SPATA16: variants seen among roughly 807,000 people sequenced by gnomAD.
The protein encoded by SPATA16 is spermatogenesis-associated protein 16.
A neutral mutation model predicts 63.3 loss-of-function variants in SPATA16; 36 were observed. The observed-to-expected ratio is 0.57, with a 90% CI of 0.44 to 0.75. The LOEUF is 0.75. SPATA16 is among the 30% of genes least tolerant of loss of function. The pLI is 0.00. For missense variants in SPATA16, 646 were observed against 679.3 expected (o/e 0.95, Z 0.54); for synonymous variants, 203 against 216.7 (o/e 0.94, Z 0.56).
chr3:172,997,109 T>C (rs1174389573), intron 4 of SPATA16, among the ~76,000 whole-genome samples: 1 of 152,172 alleles, frequency 6.6e-6, no homozygotes, highest in Non-Finnish European at 1.5e-5. Context: ...GTGCAGGTTT[T>C]TGTGTGGACA....
At chr3:173,131,727 G>A (rs750760961) in intron 1 of SPATA16, among the ~76,000 whole-genome samples, 2 of 152,176 alleles carry the variant, frequency 1.3e-5, no homozygotes, top group Non-Finnish European at 2.9e-5. Context: ...TGAAACTCTT[G>A]AGAACCAGGG....
At chr3:173,070,649 C>T (rs7632363) in intron 2 of SPATA16, among the ~76,000 whole-genome samples, 4 of 152,010 alleles carry the variant, frequency 2.6e-5, no homozygotes, top group East Asian at 1.9e-4. Context: ...TACAAAAGTC[C>T]GAAGCATTTC....
At chr3:173,003,828 C>T (rs1734881105) in intron 4 of SPATA16, among the ~76,000 whole-genome samples, 1 of 152,186 alleles carries the variant, frequency 6.6e-6, no homozygotes, top group Non-Finnish European at 1.5e-5. Flanking sequence ...ATGTGCCAGG[C>T]AGTGAGTTTA....
intron 6 of SPATA16, among the ~76,000 whole-genome samples, chr3:172,946,154 G>A (rs1208651385): frequency 6.6e-6 from 1 of 152,176 alleles, no homozygotes; most frequent in Non-Finnish European, 1.5e-5. Context: ...TCCTAGCAGG[G>A]TTCATCACTT....
At chr3:173,139,578 G>T (rs1367857308) in intron 1 of SPATA16, among the ~76,000 whole-genome samples, 1 of 152,142 alleles carries the variant, frequency 6.6e-6, no homozygotes, top group African/African-American at 2.4e-5. Flanking sequence ...AATTGTTGGG[G>T]TACCTATTCA....
intron 1 of SPATA16, among the ~76,000 whole-genome samples, chr3:173,136,197 G>A (rs1435395465): frequency 6.6e-6 from 1 of 152,208 alleles, no homozygotes; most frequent in Non-Finnish European, 1.5e-5. Context: ...ATCAGACTGT[G>A]TGTGTGGTAG....
At chr3:173,077,000 A>G (rs1736823123) in intron 2 of SPATA16, among the ~76,000 whole-genome samples, 1 of 152,128 alleles carries the variant, frequency 6.6e-6, no homozygotes, top group South Asian at 2.1e-4. Flanking sequence ...TTTGGAATTG[A>G]TCTAACATCT....
intron 3 of SPATA16, among the ~76,000 whole-genome samples, chr3:173,027,695 C>T (rs1350599689): frequency 6.6e-6 from 1 of 151,792 alleles, no homozygotes; most frequent in East Asian, 1.9e-4. Flanking sequence ...GGTAGCAGAA[C>T]TCCTCTTGGT....
chr3:172,993,202 G>GAA (rs71965210), intron 4 of SPATA16, among the ~76,000 whole-genome samples: 26,298 of 147,534 alleles, frequency 0.18, 2,478 homozygotes, highest in South Asian at 0.23. Flanking sequence ...AAATATTAGT[G>GAA]AAAAAAAAAA....
At chr3:173,046,124 T>C (rs570463875) in intron 3 of SPATA16, among the ~76,000 whole-genome samples, 20 of 152,102 alleles carry the variant, frequency 1.3e-4, no homozygotes, top group Non-Finnish European at 2.6e-4. Flanking sequence ...GGATTTTTAA[T>C]CTTGATAAGA....
intron 2 of SPATA16, among the ~76,000 whole-genome samples, chr3:173,069,768 A>T (rs1470534809): frequency 6.6e-6 from 1 of 152,226 alleles, no homozygotes. Flanking sequence ...TTAACAACAC[A>T]TTAAAAAGAT....
At chr3:172,916,726 T>G (rs1315366556) in intron 8 of SPATA16, among the ~76,000 whole-genome samples, 4 of 152,130 alleles carry the variant, frequency 2.6e-5, no homozygotes, top group African/African-American at 7.2e-5. Flanking sequence ...TGTCTTGCAT[T>G]AGGGAGCTAG....
At chr3:172,976,173 T>G (rs1216101280) in intron 5 of SPATA16, among the ~76,000 whole-genome samples, 1 of 152,132 alleles carries the variant, frequency 6.6e-6, no homozygotes. Context: ...ATGGGTTTCA[T>G]GTGGTTCATG....
At chr3:173,129,151 T>C (rs937492098) in intron 1 of SPATA16, among the ~76,000 whole-genome samples, 3 of 152,188 alleles carry the variant, frequency 2.0e-5, no homozygotes, top group African/African-American at 7.2e-5. Flanking sequence ...TCCTGGGGAA[T>C]TACAAAGATA....
intron 8 of SPATA16, among the ~76,000 whole-genome samples, chr3:172,919,290 A>G (rs1018968563): frequency 2.0e-5 from 3 of 152,228 alleles, no homozygotes; most frequent in African/African-American, 7.2e-5. Flanking sequence ...CATGTGAAAT[A>G]ATTAGGACAG....
chr3:173,101,965 T>G (rs911552518), intron 2 of SPATA16, among the ~76,000 whole-genome samples: 3 of 152,188 alleles, frequency 2.0e-5, no homozygotes, highest in African/African-American at 7.2e-5. Context: ...CAATTAATGG[T>G]TCTCCCTTCT....
chr3:173,011,982 TA>T (rs559344216), intron 4 of SPATA16, among the ~76,000 whole-genome samples: 7 of 149,500 alleles, frequency 4.7e-5, no homozygotes, highest in South Asian at 2.1e-4. Flanking sequence ...CCCAGCTAAT[TA>T]AAAAAAAAAG....
intron 6 of SPATA16, among the ~76,000 whole-genome samples, chr3:172,927,900 T>G (rs562926582): frequency 1.3e-4 from 20 of 152,108 alleles, no homozygotes; most frequent in East Asian, 1.9e-4. Flanking sequence ...ATTAGATGCT[T>G]CTTCTTCTTT....
intron 2 of SPATA16, among the ~76,000 whole-genome samples, chr3:173,056,045 C>T (rs1736214166): frequency 6.6e-6 from 1 of 151,848 alleles, no homozygotes. Context: ...AGTAATTTTC[C>T]ATAAGGTTTT....
Sources: gnomAD v4.1 joint callset for allele counts (sites outside exome capture counted in the v4.1 genomes callset) on GRCh38, gnomAD v4.1.1 for gene constraint, MANE v1.5 for transcripts, NCBI Gene and HGNC (gene_info 2026-07-23, HGNC 2026-07-21) for gene names.